Variants in IFT43 observed in about 807,000 individuals in gnomAD.
IFT43 encodes intraflagellar transport protein 43 homolog.
Under a neutral mutation model 32.3 loss-of-function variants are expected in IFT43, and 33 were observed. That is an observed-to-expected ratio of 1.02 (90% CI 0.77 to 1.37). The LOEUF (loss-of-function observed/expected upper bound fraction) is 1.37. IFT43 is among the 40% of genes most tolerant of loss of function. The pLI, the probability that IFT43 is intolerant of heterozygous loss-of-function variation, is 0.00. For synonymous variants in IFT43, 93 were observed against 98.2 expected (o/e 0.95, Z 0.31); for missense variants, 274 against 265.9 (o/e 1.03, Z -0.21).
intron 3 of IFT43, among the ~76,000 whole-genome samples, chr14:76,024,469 G>A (rs61221110): frequency 0.29 from 44,110 of 152,086 alleles, 6,432 homozygotes; most frequent in African/African-American, 0.31. Flanking sequence ...CATTTAACTG[G>A]CTATGTAAAC....
chr14:76,049,678 G>A (rs765557920), intron 3 of IFT43, among the ~76,000 whole-genome samples: 17 of 151,702 alleles, frequency 1.1e-4, no homozygotes, highest in Non-Finnish European at 1.8e-4. Context: ...CTTCTTAGCT[G>A]CTTCTCCCCA....
At chr14:76,021,520 G>A (rs2036291869) in intron 2 of IFT43, among the ~76,000 whole-genome samples, 1 of 152,082 alleles carries the variant, frequency 6.6e-6, no homozygotes, top group Non-Finnish European at 1.5e-5. Flanking sequence ...TTACTGTTTG[G>A]TAACATGTTT....
At chr14:76,008,480 A>G (rs536360989) in intron 2 of IFT43, among the ~76,000 whole-genome samples, 14 of 152,310 alleles carry the variant, frequency 9.2e-5, no homozygotes, top group Middle Eastern at 6.8e-3. Flanking sequence ...CAAGGGACTC[A>G]TGATCATTCT....
chr14:76,039,921 C>G (rs960906104), intron 3 of IFT43, among the ~76,000 whole-genome samples: 1 of 152,204 alleles, frequency 6.6e-6, no homozygotes, highest in Non-Finnish European at 1.5e-5. Context: ...ATATTTCTTG[C>G]TGATCTTTCT....
At chr14:76,080,819 A>G (rs2037497305) in intron 5 of IFT43, among the ~76,000 whole-genome samples, 1 of 152,228 alleles carries the variant, frequency 6.6e-6, no homozygotes, top group Non-Finnish European at 1.5e-5. Flanking sequence ...AGAGCATTCC[A>G]TCTCCAATTC....
At position 76,062,362 on chromosome 14, in the gene IFT43, G is replaced by A. The variant is rs565718935; in HGVS notation, c.295+2989G>A. ...TGGGATTACAGGTGTGAGCCACCGC[G>A]CCCGGCCTGTTTTTCTGCTTCTTTA... is the stretch of plus-strand genomic sequence containing the variant. On this transcript the variant is annotated intron_variant, in intron 5 of 8. Transcript: ENST00000314067. Among the ~76,000 whole-genome samples the A allele has an allele frequency of 1.7e-3, 254 of 152,052 alleles. 1 individual carries two copies. The highest frequency in any genetic ancestry group is 5.7e-3 in the African/African-American group (237 of 41,488).
At chr14:76,071,755 T>G (rs758012283) in intron 5 of IFT43, among the ~76,000 whole-genome samples, 1 of 152,230 alleles carries the variant, frequency 6.6e-6, no homozygotes, top group Non-Finnish European at 1.5e-5. Flanking sequence ...TAAGAATGTA[T>G]AATTTCATCT....
intron 2 of IFT43, among the ~76,000 whole-genome samples, chr14:76,002,907 G>A (rs938914604): frequency 1.3e-5 from 2 of 152,206 alleles, no homozygotes; most frequent in Non-Finnish European, 1.5e-5. Flanking sequence ...ATTTAGGAGA[G>A]GCAAGGAGAT....
rs144538237 is a variant in IFT43, at chr14:75,990,201, A to G, written c.147+1224A>G. On this transcript the variant is annotated intron_variant, in intron 2 of 8. Transcript: ENST00000314067. ...AGCTGGTTGGTGCTGTCGAGAATAC[A>G]GGCCCAGTATTGCCAGATATGATTC... Among the ~76,000 whole-genome samples the G allele has an allele frequency of 1.1e-3, 166 of 152,362 alleles. 1 individual carries two copies. Among genetic ancestry groups the G allele is most frequent in the African/African-American group, 3.6e-3 (151 of 41,590 alleles).
At chr14:76,061,738 A>G (rs1436769051) in intron 5 of IFT43, among the ~76,000 whole-genome samples, 1 of 151,894 alleles carries the variant, frequency 6.6e-6, no homozygotes, top group Non-Finnish European at 1.5e-5. Flanking sequence ...CTTTATATAG[A>G]CTGAGTATCC....
At chr14:76,000,669 C>T (rs2035867314) in intron 2 of IFT43, among the ~76,000 whole-genome samples, 1 of 152,118 alleles carries the variant, frequency 6.6e-6, no homozygotes, top group Non-Finnish European at 1.5e-5. Context: ...AAACAAAAAC[C>T]TGGCGGAGGG....
chr14:76,057,074 C>T (rs139344845), intron 3 of IFT43, among the ~76,000 whole-genome samples: 3 of 152,244 alleles, frequency 2.0e-5, no homozygotes, highest in East Asian at 3.9e-4. Context: ...AGAGTTGTTA[C>T]ACCCTGTTCT....
chr14:76,023,251 T>C (rs1418747051), intron 3 of IFT43, among the ~76,000 whole-genome samples: 1 of 152,222 alleles, frequency 6.6e-6, no homozygotes, highest in African/African-American at 2.4e-5. Flanking sequence ...AAATTACATA[T>C]GTAACAGGAA....
intron 5 of IFT43, among the ~76,000 whole-genome samples, chr14:76,061,631 T>C (rs1198325754): frequency 6.6e-6 from 1 of 152,218 alleles, no homozygotes; most frequent in Non-Finnish European, 1.5e-5. Flanking sequence ...ATTTCACATA[T>C]TTTTTTCAGT....
intron 1 of IFT43, 95 bp downstream of exon 1, chr14:75,985,935 G>A: frequency 3.4e-5 from 53 of 1,553,726 alleles, no homozygotes; most frequent in Non-Finnish European, 4.6e-5. Context: ...ACTCAGGGCG[G>A]CAGGCCTCGC....
At chr14:76,028,023 T>C (rs112718536) in intron 3 of IFT43, among the ~76,000 whole-genome samples, 2 of 152,142 alleles carry the variant, frequency 1.3e-5, no homozygotes, top group African/African-American at 4.8e-5. Context: ...ATTCTGGGTT[T>C]CTCTAACTGA....
chr14:75,986,318 G>C, intron 1 of IFT43: 1 of 1,230,240 alleles, frequency 8.1e-7, no homozygotes. Context: ...GGTAATCCCC[G>C]TGGGGAGGTG....
At chr14:76,054,467 C>T (rs985411896) in intron 3 of IFT43, among the ~76,000 whole-genome samples, 2 of 152,236 alleles carry the variant, frequency 1.3e-5, no homozygotes, top group Non-Finnish European at 2.9e-5. Context: ...ATTCTAGTTT[C>T]AGCCTCATCA....
intron 1 of IFT43, chr14:75,986,428 A>T: frequency 3.8e-6 from 1 of 262,680 alleles, no homozygotes; most frequent in Non-Finnish European, 6.1e-6. Flanking sequence ...GATGGAGCAT[A>T]GAGCTGTTGC....
Sources: allele counts gnomAD v4.1 joint callset (sites outside exome capture counted in the v4.1 genomes callset), GRCh38; gene constraint gnomAD v4.1.1; transcripts MANE v1.5; gene names NCBI Gene and HGNC (gene_info 2026-07-23, HGNC 2026-07-21).